TMTC2: variants seen among roughly 807,000 people sequenced by gnomAD.
TMTC2 encodes transmembrane O-mannosyltransferase targeting cadherins 2.
A neutral mutation model predicts 82.4 loss-of-function variants in TMTC2; 43 were observed. The ratio of observed to expected loss-of-function variants is 0.52; its 90% CI spans 0.41 to 0.67. TMTC2 has a LOEUF of 0.67. Among genes scored for constraint, TMTC2 ranks in the 30% least tolerant of loss-of-function variants. The probability of loss-of-function intolerance (pLI) is 0.00; values close to 1 mark genes in which losing one functional copy is unlikely to be tolerated. For missense variants in TMTC2, 919 were observed against 1,012.4 expected, an observed-to-expected ratio of 0.91 and a Z score of 1.25; for synonymous variants, 408 against 381.9, an observed-to-expected ratio of 1.07 and a Z score of -0.80.
chr12:82,876,054 G>GGTGATTAGTATTCATAA (rs1872503576), intron 2 of TMTC2, among the ~76,000 whole-genome samples: 1 of 135,998 alleles, frequency 7.4e-6, no homozygotes, highest in Admixed American at 7.3e-5. Flanking sequence ...GGTGGTGGTG[G>GGTGATTAGTATTCATAA]TGGTGGTGGT....
intron 7 of TMTC2, among the ~76,000 whole-genome samples, chr12:82,975,481 CG>C (rs1878627200): frequency 6.6e-6 from 1 of 152,010 alleles, no homozygotes; most frequent in Non-Finnish European, 1.5e-5. Context: ...AGTTTTGTTC[CG>C]GATTGCATTA....
At chr12:82,855,766 C>G (rs1871234921) in intron 1 of TMTC2, among the ~76,000 whole-genome samples, 1 of 152,144 alleles carries the variant, frequency 6.6e-6, no homozygotes, top group African/African-American at 2.4e-5. Context: ...GTCTTTAATC[C>G]TTTTCTTTAT....
At chr12:83,032,563 A>G (rs552377769) in intron 9 of TMTC2, among the ~76,000 whole-genome samples, 1 of 151,886 alleles carries the variant, frequency 6.6e-6, no homozygotes, top group Admixed American at 6.6e-5. Context: ...TAATTTTTTT[A>G]GATGGAATTT....
rs757252522 is a variant in TMTC2 at position 82,775,418 on chromosome 12, C to A, written c.84-81592C>A. On this transcript the variant is annotated intron_variant, in intron 1 of 11. Transcript: ENST00000321196. ...TGAACTATGATTGCACCACTGTACA[C>A]CAGCCTGGGCAACAGAGTGAGACCC... 1.9e-4 allele frequency among the ~76,000 whole-genome samples: 29 copies of A among 151,984 alleles called. 1 individual carries two copies. Among genetic ancestry groups the A allele is most frequent in the South Asian group, 1.5e-3 (7 of 4,804 alleles).
intron 1 of TMTC2, among the ~76,000 whole-genome samples, chr12:82,732,230 A>G (rs1026773749): frequency 3.3e-5 from 5 of 152,102 alleles, no homozygotes; most frequent in Non-Finnish European, 5.9e-5. Context: ...ATCATACTTT[A>G]TTGATTGATC....
intron 3 of TMTC2, among the ~76,000 whole-genome samples, chr12:82,898,063 A>G (rs1030311390): frequency 6.6e-6 from 1 of 152,196 alleles, no homozygotes; most frequent in Non-Finnish European, 1.5e-5. Flanking sequence ...GCAACTACAC[A>G]TTTCTTTAAG....
chr12:82,806,723 A>G (rs1176148673), intron 1 of TMTC2, among the ~76,000 whole-genome samples: 4 of 152,168 alleles, frequency 2.6e-5, no homozygotes, highest in Admixed American at 6.5e-5. Context: ...AAATATATTC[A>G]TTGTTCATTA....
chr12:82,690,804 A>G (rs1207489653), intron 1 of TMTC2, among the ~76,000 whole-genome samples: 5 of 152,152 alleles, frequency 3.3e-5, no homozygotes, highest in Non-Finnish European at 5.9e-5. Context: ...GTTATGTTGT[A>G]TGTGATTCCT....
chr12:82,787,112 A>T lies in TMTC2; in HGVS notation c.84-69898A>T, dbSNP rs181689374. Among the ~76,000 whole-genome samples the T allele has an allele frequency of 2.6e-5, 4 of 152,250 alleles. No individual in the cohort carries two copies. The East Asian group carries it at 7.7e-4, about 29-fold the overall frequency. On this transcript the variant is annotated intron_variant, in intron 1 of 11. Transcript: ENST00000321196. The stretch of plus-strand genomic sequence containing the variant: ...ACATATTTTAATTATCATACCCAGT[A>T]TGGAAACTGGTGAAACTTTTTCATA...
intron 1 of TMTC2, among the ~76,000 whole-genome samples, chr12:82,766,751 A>G (rs1876983577): frequency 6.6e-6 from 1 of 152,186 alleles, no homozygotes; most frequent in Non-Finnish European, 1.5e-5. Context: ...TAGTCTCTCA[A>G]TCTAGAAATT....
chr12:82,989,510 C>A (rs1879309470), intron 8 of TMTC2, among the ~76,000 whole-genome samples: 1 of 151,488 alleles, frequency 6.6e-6, no homozygotes, highest in Non-Finnish European at 1.5e-5. Context: ...TAAATGGCCA[C>A]CTTTAAAAAA....
intron 4 of TMTC2, among the ~76,000 whole-genome samples, chr12:82,947,976 G>T (rs1030506057): frequency 2.6e-5 from 4 of 152,110 alleles, no homozygotes; most frequent in Non-Finnish European, 2.9e-5. Flanking sequence ...GATGCCTATG[G>T]CAATGAATTG....
intron 7 of TMTC2, among the ~76,000 whole-genome samples, chr12:82,980,859 G>A (rs1379750280): frequency 6.6e-6 from 1 of 151,756 alleles, no homozygotes; most frequent in African/African-American, 2.4e-5. Context: ...TCTGAAGCAC[G>A]ATGTCTATGT....
intron 11 of TMTC2, among the ~76,000 whole-genome samples, chr12:83,100,499 C>T (rs891661662): frequency 1.3e-4 from 20 of 152,026 alleles, no homozygotes; most frequent in Non-Finnish European, 2.8e-4. Context: ...GATTAAAATT[C>T]AGATATTCGT....
At chr12:83,116,156 T>C (rs530446829) in intron 11 of TMTC2, among the ~76,000 whole-genome samples, 1 of 152,326 alleles carries the variant, frequency 6.6e-6, no homozygotes, top group African/African-American at 2.4e-5. Context: ...CTCCCACTTA[T>C]GAGTGAGACA....
chr12:82,813,447 A>G (rs1156842833), intron 1 of TMTC2, among the ~76,000 whole-genome samples: 1 of 151,994 alleles, frequency 6.6e-6, no homozygotes, highest in Non-Finnish European at 1.5e-5. Flanking sequence ...TAAATATTCC[A>G]TTTCCTTTGT....
rs2137113005 is a variant in TMTC2 at position 82,855,390 on chromosome 12, C to G, written c.84-1620C>G. Among the ~76,000 whole-genome samples the G allele has an allele frequency of 2.0e-5, 3 of 152,294 alleles. No individual in the cohort carries two copies. In the East Asian group the frequency reaches 5.8e-4, roughly 29 times the overall value. On this transcript the variant is annotated intron_variant, in intron 1 of 11. Coordinates refer to ENST00000321196, the MANE Select transcript of TMTC2 (RefSeq NM_152588.3). ...CGGTAATACTCATGTGGAAATTTCTCTGATCACACCTGCCTCACAAGAGAA... is the reference window on the plus strand; with the variant it reads ...CGGTAATACTCATGTGGAAATTTCTGTGATCACACCTGCCTCACAAGAGAA...
chr12:82,862,186 C>T (rs984400380), intron 2 of TMTC2, among the ~76,000 whole-genome samples: 1 of 152,126 alleles, frequency 6.6e-6, no homozygotes, highest in Admixed American at 6.5e-5. Context: ...CTTAGCCTTG[C>T]AAATACATAC....
In TMTC2 at chr12:83,128,241, T is replaced by C. The variant is rs116585980; in HGVS notation, c.2332-3969T>C. Among the ~76,000 whole-genome samples the C allele has an allele frequency of 3.0e-3, 451 of 152,296 alleles. 1 individual carries two copies. The highest frequency in any genetic ancestry group is 0.01 in the African/African-American group (436 of 41,576). ...AGCTGGCAGAGAGCAAGGACACCAG[T>C]ATGTAATCCAACAGCCAGTTACCTG... On this transcript the variant is annotated intron_variant, in intron 11 of 11. Coordinates refer to ENST00000321196, the MANE Select transcript of TMTC2 (RefSeq NM_152588.3).
Sources: allele counts gnomAD v4.1 joint callset (sites outside exome capture counted in the v4.1 genomes callset), GRCh38; gene constraint gnomAD v4.1.1; transcripts MANE v1.5; gene names NCBI Gene and HGNC (gene_info 2026-07-23, HGNC 2026-07-21).